QRSL1: variants seen among roughly 807,000 people sequenced by gnomAD.
QRSL1 encodes glutamyl-tRNA(Gln) amidotransferase subunit A, mitochondrial.
In QRSL1, 54 loss-of-function variants were observed where a neutral mutation model predicts 61.6. That is an observed-to-expected ratio of 0.88 (90% CI 0.70 to 1.10). QRSL1 has a LOEUF of 1.10. Ranked by LOEUF, QRSL1 falls within the 50% of genes least tolerant of loss-of-function variation. The pLI, the probability that QRSL1 is intolerant of heterozygous loss-of-function variation, is 0.00. For missense variants in QRSL1, 505 were observed against 622.6 expected (o/e 0.81, Z 2.01); for synonymous variants, 228 against 225.7 (o/e 1.01, Z -0.09).
intron 1 of QRSL1, among the ~76,000 whole-genome samples, chr6:106,632,185 G>C (rs925188246): frequency 1.3e-5 from 2 of 152,050 alleles, no homozygotes; most frequent in African/African-American, 2.4e-5. Context: ...TGTACATGTA[G>C]GACATTTTCT....
rs769905407 is a variant in QRSL1, at chr6:106,652,200, A to G, written c.558-9A>G. ...CATTCTTCTAAAGATAATTCCATTT[A>G]AATTCCAGGGCTTTAGGATCAGATA... is the stretch of plus-strand genomic sequence containing the variant. On this transcript the variant is annotated splice_polypyrimidine_tract_variant and intron_variant, in intron 5 of 10. Coordinates refer to ENST00000369046, the MANE Select transcript of QRSL1 (RefSeq NM_018292.5). 8 of 1,602,952 alleles carry G rather than the reference A, an allele frequency of 5.0e-6. No homozygotes were observed. The highest frequency in any genetic ancestry group is 6.0e-6 in the Non-Finnish European group (7 of 1,173,838).
Position 106,643,183 on chromosome 6 carries a change from C to T in QRSL1, c.380+93C>T, listed in dbSNP as rs921571186. 3.7e-6 allele frequency: 3 copies of T among 817,548 alleles called. No homozygotes were observed. The African/African-American group carries it at 5.2e-5, about 14-fold the overall frequency. 50.6% of individuals were successfully genotyped at this position (817,548 alleles called of 1,614,324 possible). A position where few individuals can be genotyped will look rare whatever the true frequency, so the allele number is the denominator to read the frequency against. The stretch of plus-strand genomic sequence containing the variant: ...ACCTAAAAGGATTGAGGATCTAATG[C>T]CAGTTTCTTAGTCCCTCTGTGAGAT... On this transcript the variant is annotated intron_variant, in intron 4 of 10. Transcript: ENST00000369046.
intron 10 of QRSL1, among the ~76,000 whole-genome samples, chr6:106,665,474 T>C (rs1777416644): frequency 6.6e-6 from 1 of 152,178 alleles, no homozygotes; most frequent in Non-Finnish European, 1.5e-5. Context: ...AATAGCTAAA[T>C]ATTGAAAACA....
At chr6:106,642,539 A>C in intron 3 of QRSL1, 1 of 713,482 alleles carries the variant, frequency 1.4e-6, no homozygotes, top group Admixed American at 1.8e-5. Context: ...GTTGTTTGCC[A>C]TGTACATGTG....
intron 9 of QRSL1, among the ~76,000 whole-genome samples, chr6:106,660,604 CTT>C (rs77144657): frequency 1.1e-4 from 16 of 143,120 alleles, no homozygotes; most frequent in African/African-American, 2.6e-5. Context: ...TGTCTTAGTT[CTT>C]TTTTTTTTTT....
At chr6:106,642,756 G>A in intron 3 of QRSL1, 1 of 737,960 alleles carries the variant, frequency 1.4e-6, no homozygotes, top group Non-Finnish European at 2.5e-6. Flanking sequence ...AGCCGAGATA[G>A]CTTCCTGAAA....
chr6:106,642,624 A>T, intron 3 of QRSL1: 1 of 774,430 alleles, frequency 1.3e-6, no homozygotes, highest in Middle Eastern at 2.3e-4. Context: ...AAGTGTTACC[A>T]TGGCAAAACT....
intron 1 of QRSL1, among the ~76,000 whole-genome samples, chr6:106,638,408 G>A (rs1004065665): frequency 3.3e-5 from 5 of 152,026 alleles, no homozygotes; most frequent in East Asian, 3.8e-4. Flanking sequence ...GGGTTCAAGC[G>A]ATTCTTCTGC....
At chr6:106,631,099 G>A (rs1402614233) in intron 1 of QRSL1, among the ~76,000 whole-genome samples, 7 of 151,684 alleles carry the variant, frequency 4.6e-5, no homozygotes, top group Admixed American at 1.3e-4. Context: ...AGTGGCGGGC[G>A]CCTGTAGTCC....
Position 106,652,555 on chromosome 6 carries a change from G to C in QRSL1, c.822G>C (p.Val274=). The C allele has an allele frequency of 2.5e-6, 4 of 1,614,160 alleles. No individual in the cohort carries two copies. Among genetic ancestry groups the C allele is most frequent in the Non-Finnish European group, 3.4e-6 (4 of 1,180,024 alleles). The change falls in exon 7 of 11, where the codon GTG becomes GTC. Residue 274 remains valine, a synonymous_variant. Coordinates refer to ENST00000369046, the MANE Select transcript of QRSL1 (RefSeq NM_018292.5). The part of the protein sequence containing the change: ...KPFMLPSLAD[V]SKLCIGIPKE... ...TCATGCTTCCCAGTTTGGCAGATGT[G>C]AGCAAACTATGTATAGGAATTCCAA...
intron 1 of QRSL1, among the ~76,000 whole-genome samples, chr6:106,630,969 G>C (rs1176456083): frequency 4.6e-5 from 7 of 152,214 alleles, no homozygotes; most frequent in Non-Finnish European, 8.8e-5. Context: ...GCTCACGCCT[G>C]TAATCCCAGC....
At chr6:106,655,273 GACC>G (rs1777248891) in intron 8 of QRSL1, among the ~76,000 whole-genome samples, 1 of 152,026 alleles carries the variant, frequency 6.6e-6, no homozygotes, top group Non-Finnish European at 1.5e-5. Flanking sequence ...CTCTCTCCAT[GACC>G]AGTCCATCAG....
In QRSL1 at chr6:106,629,632, C is replaced by G; in HGVS notation, c.-50C>G. ...TAACATCACTAGCGACCGGTGACCTCTTTTTCCCCCTTGCCTGGCTCCTGT... is the reference window on the plus strand; with the variant it reads ...TAACATCACTAGCGACCGGTGACCTGTTTTTCCCCCTTGCCTGGCTCCTGT... On this transcript the variant is annotated 5_prime_UTR_variant, in exon 1 of 11. Coordinates refer to ENST00000369046, the MANE Select transcript of QRSL1 (RefSeq NM_018292.5). 6.3e-7 allele frequency: 1 copy of G among 1,577,348 alleles called. No homozygotes were observed. The highest frequency in any genetic ancestry group is 8.6e-7 in the Non-Finnish European group (1 of 1,162,262).
intron 5 of QRSL1, 106 bp downstream of exon 5, chr6:106,649,307 G>T: frequency 8.6e-7 from 1 of 1,159,040 alleles, no homozygotes; most frequent in Non-Finnish European, 1.2e-6. Flanking sequence ...TTTCTTTCTA[G>T]TGAGCTATAT....
intron 8 of QRSL1, 118 bp downstream of exon 8, chr6:106,655,040 T>C: frequency 1.1e-6 from 1 of 916,364 alleles, no homozygotes; most frequent in Non-Finnish European, 1.7e-6. Flanking sequence ...GAAAAGTTCA[T>C]CAGTGAATCA....
chr6:106,657,407 G>T (rs1009448455), intron 9 of QRSL1, among the ~76,000 whole-genome samples: 6 of 152,132 alleles, frequency 3.9e-5, no homozygotes, highest in Non-Finnish European at 8.8e-5. Flanking sequence ...TTAAGCTAAA[G>T]ATATTACTTT....
rs1413712562 is a variant in QRSL1, at chr6:106,643,066, C to T, written c.356C>T (p.Thr119Ile). The T allele has an allele frequency of 1.2e-6, 2 of 1,610,514 alleles. No homozygotes were observed. Among genetic ancestry groups the T allele is most frequent in the East Asian group, 2.2e-5 (1 of 44,822 alleles). Reference sequence around the variant, plus strand: ...CAGGGAGCTCTACTAATGGGAAAAACAAATTTAGATGAGTTTGCTATGGGG... The same window carrying T: ...CAGGGAGCTCTACTAATGGGAAAAATAAATTTAGATGAGTTTGCTATGGGG... Reference protein sequence around the residue: ...LDQGALLMGKTNLDEFAMGSG... With the variant: ...LDQGALLMGKINLDEFAMGSG... The change falls in exon 4 of 11, where the codon ACA becomes ATA. Residue 119 changes from threonine (T) to isoleucine (I), a missense_variant. Transcript: ENST00000369046.
chr6:106,665,832 A>T lies in QRSL1; in HGVS notation c.1417A>T (p.Ile473Leu). Reference protein sequence around the residue: ...PVALSNQGLPIGLQFIGRAFC... With the variant: ...PVALSNQGLPLGLQFIGRAFC... Reference sequence around the variant, plus strand: ...TGCACTCTCAAACCAAGGGTTGCCAATAGGACTGCAGTTTATTGGACGTGC... The same window carrying T: ...TGCACTCTCAAACCAAGGGTTGCCATTAGGACTGCAGTTTATTGGACGTGC... Residue 473 changes from isoleucine (I) to leucine (L), a missense_variant, in exon 11 of 11, where the codon ATA (isoleucine) becomes TTA (leucine). Transcript: ENST00000369046. 3.1e-6 allele frequency: 5 copies of T among 1,613,948 alleles called. No homozygotes were observed. The highest frequency in any genetic ancestry group is 4.2e-6 in the Non-Finnish European group (5 of 1,179,864).
At chr6:106,632,387 TA>T (rs1270192778) in intron 1 of QRSL1, among the ~76,000 whole-genome samples, 8 of 151,996 alleles carry the variant, frequency 5.3e-5, no homozygotes, top group Admixed American at 2.0e-4. Flanking sequence ...TATTTTTAAT[TA>T]TTTTTTTTTT....
Sources: allele counts gnomAD v4.1 joint callset (sites outside exome capture counted in the v4.1 genomes callset), GRCh38; gene constraint gnomAD v4.1.1; transcripts MANE v1.5; gene names NCBI Gene and HGNC (gene_info 2026-07-23, HGNC 2026-07-21).